AKNA: variants seen among roughly 807,000 people sequenced by gnomAD.
The protein encoded by AKNA is microtubule organization protein AKNA.
In AKNA, 67 loss-of-function variants were observed where a neutral mutation model predicts 138.8. That is an observed-to-expected ratio of 0.48 (90% CI 0.40 to 0.59). The LOEUF (loss-of-function observed/expected upper bound fraction) is 0.59, where lower values mean the gene tolerates loss of function less well. Among genes scored for constraint, AKNA ranks in the 20% least tolerant of loss-of-function variants. The pLI is 0.00. For synonymous variants in AKNA, 737 were observed against 754.4 expected (o/e 0.98, Z 0.38); for missense variants, 1,813 against 1,880.4 (o/e 0.96, Z 0.66).
intron 14 of AKNA, among the ~76,000 whole-genome samples, chr9:114,352,608 G>A (rs1831206326): frequency 1.4e-5 from 2 of 145,838 alleles, no homozygotes; most frequent in Admixed American, 6.9e-5. Flanking sequence ...AAAAAAAAAA[G>A]TTTAATTAAA....
Position 114,374,347 on chromosome 9 carries a change from C to T in AKNA, c.1342-180G>A, listed in dbSNP as rs546514538. On this transcript the variant is annotated intron_variant, in intron 3 of 21. Transcript: ENST00000374088. ...GCTTGTGTGCAACACAGACCCACCA[C>T]GTTCAAGTTCTGGAGCATGAGAGGG... Among the ~76,000 whole-genome samples, 47 of 152,362 alleles carry T rather than the reference C, an allele frequency of 3.1e-4. No individual in the cohort carries two copies. The South Asian group carries it at 6.6e-3, about 21-fold the overall frequency.
At chr9:114,341,436 A>G (rs1177276429) in intron 21 of AKNA, 97 bp downstream of exon 21, 2 of 1,417,036 alleles carry the variant, frequency 1.4e-6, no homozygotes, top group Non-Finnish European at 2.0e-6. Context: ...ACACAGGAGG[A>G]GTATACTGCA....
In AKNA at chr9:114,376,776, G is replaced by T; in HGVS notation, c.1031C>A (p.Ser344Tyr). 2.5e-6 allele frequency: 4 copies of T among 1,612,640 alleles called. No homozygotes were observed. The highest frequency in any genetic ancestry group is 3.4e-6 in the Non-Finnish European group (4 of 1,179,106). ...QGATLAGRSSSNAPKYGRGQL... is the reference protein window; with the variant it reads ...QGATLAGRSSYNAPKYGRGQL... ...CCCCCGGCCATACTTGGGGGCATTA[G>T]AAGAGGAGCGGCCAGCCAGAGTGGC... The change falls in exon 3 of 22, where the codon TCT becomes TAT. Residue 344 changes from serine to tyrosine, a missense_variant. Coordinates refer to ENST00000374088, the MANE Select transcript of AKNA (RefSeq NM_001317950.2).
chr9:114,341,776 T>C (rs1160380986), intron 20 of AKNA, 51 bp from the exon 21 acceptor site: 1 of 1,520,616 alleles, frequency 6.6e-7, no homozygotes, highest in African/African-American at 1.4e-5. Flanking sequence ...ACTTGGCAGA[T>C]CCAGCCAAAG....
intron 14 of AKNA, among the ~76,000 whole-genome samples, chr9:114,353,531 T>C (rs531393969): frequency 6.6e-6 from 1 of 152,320 alleles, no homozygotes; most frequent in East Asian, 1.9e-4. Flanking sequence ...CCCAAAGTGT[T>C]AGGATTACAG....
At chr9:114,379,652 C>T (rs1374384419) in intron 2 of AKNA, among the ~76,000 whole-genome samples, 1 of 152,164 alleles carries the variant, frequency 6.6e-6, no homozygotes, top group Non-Finnish European at 1.5e-5. Flanking sequence ...AATCTAAGTG[C>T]AATAGTTACC....
At chr9:114,362,315 T>C in intron 8 of AKNA, 91 bp downstream of exon 8, 3 of 1,456,626 alleles carry the variant, frequency 2.1e-6, no homozygotes, top group Non-Finnish European at 2.7e-6. Flanking sequence ...CGTGTACAAA[T>C]TATAAGGACA....
At position 114,350,799 on chromosome 9, in the gene AKNA, G is replaced by A. The variant is rs541396894; in HGVS notation, c.3221+60C>T. On this transcript the variant is annotated intron_variant, in intron 15 of 21. Transcript: ENST00000374088. ...CTCCACCTCCACCTGCTAACACGTC[G>A]CATCACGCTCCCGTCTGTATGATGA... 9.6e-5 allele frequency: 143 copies of A among 1,486,392 alleles called. No individual in the cohort carries two copies. The Middle Eastern group carries it at 1.3e-3, about 13-fold the overall frequency. 92.1% of individuals were successfully genotyped at this position (1,486,392 alleles called of 1,614,324 possible). A position where few individuals can be genotyped will look rare whatever the true frequency, so the allele number is the denominator to read the frequency against.
chr9:114,339,254 G>A (rs1009408633), intron 21 of AKNA, among the ~76,000 whole-genome samples: 7 of 152,198 alleles, frequency 4.6e-5, no homozygotes, highest in African/African-American at 7.2e-5. Context: ...AGTCTCGGCT[G>A]CAGGGGCTAT....
intron 8 of AKNA, 75 bp downstream of exon 8, chr9:114,362,331 C>A (rs981859851): frequency 1.7e-5 from 26 of 1,491,112 alleles, no homozygotes; most frequent in Non-Finnish European, 2.3e-5. Context: ...GGACAAAGTG[C>A]CTCCCTCCTG....
intron 2 of AKNA, among the ~76,000 whole-genome samples, chr9:114,380,666 G>T (rs1833571801): frequency 6.6e-6 from 1 of 152,104 alleles, no homozygotes; most frequent in Non-Finnish European, 1.5e-5. Context: ...TGCTGAAGCA[G>T]CGTCCACTCC....
At chr9:114,393,613 T>A (rs956856789) in intron 1 of AKNA, among the ~76,000 whole-genome samples, 4 of 152,120 alleles carry the variant, frequency 2.6e-5, no homozygotes, top group Middle Eastern at 3.4e-3. Flanking sequence ...TAACAGGTGA[T>A]CATTGAAAGA....
At chr9:114,359,837 G>C (rs1298804368) in intron 10 of AKNA, 43 bp from the exon 11 acceptor site, 5 of 1,612,592 alleles carry the variant, frequency 3.1e-6, no homozygotes, top group African/African-American at 2.7e-5. Flanking sequence ...TGCCCAGTGG[G>C]GGACAGCCAA....
At chr9:114,398,258 G>C (rs979906207), upstream of AKNA, among the ~76,000 whole-genome samples, 1 of 152,150 alleles carries the variant, frequency 6.6e-6, no homozygotes, top group Non-Finnish European at 1.5e-5. This position sits in a 1 kb window ranked among gnomAD's most constrained non-coding sequence, Gnocchi z 4.2. Flanking sequence ...GCGGTGATGC[G>C]TCTCCTTCCC....
At chr9:114,340,885 C>T (rs1830295741) in intron 21 of AKNA, among the ~76,000 whole-genome samples, 1 of 152,100 alleles carries the variant, frequency 6.6e-6, no homozygotes, top group African/African-American at 2.4e-5. Context: ...GCCGAGGGGG[C>T]GTAAGGAGGC....
chr9:114,398,018 A>G (rs1230155518), upstream of AKNA, among the ~76,000 whole-genome samples: 6 of 152,142 alleles, frequency 3.9e-5, no homozygotes, highest in Non-Finnish European at 7.4e-5. This position sits in a 1 kb window ranked among gnomAD's most constrained non-coding sequence, Gnocchi z 4.2. Flanking sequence ...AACCCGGGCC[A>G]CGCCTCCAGC....
chr9:114,330,609 C>T, downstream of AKNA: 14 of 1,609,836 alleles, frequency 8.7e-6, no homozygotes, highest in Non-Finnish European at 1.2e-5. Context: ...ACCCCCATCT[C>T]AGCTTCTGGC....
At position 114,358,032 on chromosome 9, in the gene AKNA, G is replaced by A. The variant is rs192657776; in HGVS notation, c.2628C>T (p.Gly876=). 238 of 1,610,768 alleles carry A rather than the reference G, an allele frequency of 1.5e-4. 2 individuals are homozygous for A. The East Asian group carries it at 5.3e-3, about 36-fold the overall frequency. ...PGPGVPPHPP[G]TKSAASHQSS... ...TTTGGTGGGATGCTGCGGACTTGGT[G>A]CCTGGAGGGTGGGGTGGCACGCCAG... is the stretch of plus-strand genomic sequence containing the variant. The change falls in exon 12 of 22, where the codon GGC becomes GGT. Residue 876 remains glycine, a synonymous_variant. Transcript: ENST00000374088.
At chr9:114,330,653 G>C, downstream of AKNA, 1 of 1,600,522 alleles carries the variant, frequency 6.2e-7, no homozygotes, top group Non-Finnish European at 8.5e-7. Flanking sequence ...CTTCTTCCTG[G>C]CCTTGGCCTT....
Sources: allele counts gnomAD v4.1 joint callset (sites outside exome capture counted in the v4.1 genomes callset), GRCh38; gene constraint gnomAD v4.1.1; non-coding constraint Gnocchi (gnomAD v3.1); transcripts MANE v1.5; gene names NCBI Gene and HGNC (gene_info 2026-07-23, HGNC 2026-07-21).